Variants in CALN1 observed in about 807,000 individuals in gnomAD.
CALN1 encodes calcium-binding protein 8.
A neutral mutation model predicts 30.6 loss-of-function variants in CALN1; 17 were observed. The ratio of observed to expected loss-of-function variants is 0.56; its 90% CI spans 0.38 to 0.83. The LOEUF (loss-of-function observed/expected upper bound fraction) is 0.83. Among genes scored for constraint, CALN1 ranks in the 40% least tolerant of loss-of-function variants. The pLI is 0.00. For synonymous variants in CALN1, 156 were observed against 131.4 expected, an observed-to-expected ratio of 1.19 and a Z score of -1.28; for missense variants, 291 against 354.9, an observed-to-expected ratio of 0.82 and a Z score of 1.45.
intron 1 of CALN1, among the ~76,000 whole-genome samples, chr7:72,409,884 A>G (rs1468196474): frequency 1.3e-5 from 2 of 152,076 alleles, no homozygotes; most frequent in African/African-American, 2.4e-5. Context: ...TCTCTGCTAG[A>G]TTTTACAATT....
intron 4 of CALN1, among the ~76,000 whole-genome samples, chr7:72,101,426 T>C (rs1209890954): frequency 1.3e-5 from 2 of 152,156 alleles, no homozygotes; most frequent in Non-Finnish European, 2.9e-5. Context: ...AAGGTGTGCT[T>C]TGCTCCAGCT....
At chr7:71,937,361 T>A (rs1268716564) in intron 5 of CALN1, among the ~76,000 whole-genome samples, 1 of 151,952 alleles carries the variant, frequency 6.6e-6, no homozygotes, top group Non-Finnish European at 1.5e-5. Context: ...TATGTGTGTA[T>A]ATATGTAGAT....
chr7:72,147,368 CTCA>C (rs1290781488), intron 3 of CALN1, among the ~76,000 whole-genome samples: 7 of 152,026 alleles, frequency 4.6e-5, no homozygotes, highest in Middle Eastern at 3.4e-3. Flanking sequence ...GAAAAAAATG[CTCA>C]TCATCACTGG....
Position 72,289,222 on chromosome 7 carries a change from C to G in CALN1, c.120-10412G>C, listed in dbSNP as rs1439900481. Among the ~76,000 whole-genome samples, 4 of 152,272 alleles carry G rather than the reference C, an allele frequency of 2.6e-5. No homozygotes were observed. The East Asian group carries it at 7.7e-4, about 29-fold the overall frequency. ...TATGTTTTCAGATATAGGTGCTCTC[C>G]AAATCTCTTTATTCTCTTTTTGGTA... On this transcript the variant is annotated intron_variant, in intron 2 of 6. Transcript: ENST00000395275.
intron 2 of CALN1, among the ~76,000 whole-genome samples, chr7:72,380,118 G>A (rs752055832): frequency 6.6e-6 from 1 of 152,146 alleles, no homozygotes; most frequent in Non-Finnish European, 1.5e-5. Context: ...AATTTGATGA[G>A]TTCTCCAACA....
In CALN1 at chr7:72,271,092, T is replaced by TA. The variant is rs1796942597; in HGVS notation, c.244+7593dup. The stretch of plus-strand genomic sequence containing the variant: ...TGACTGCTGTGGCTGACTGGCAATA[T>TA]AATTTCCTGGGAAAAATCCCAGAGG... On this transcript the variant is annotated intron_variant, in intron 3 of 6. Transcript: ENST00000395275. 2.0e-5 allele frequency among the ~76,000 whole-genome samples: 3 copies of TA among 152,156 alleles called. No homozygotes were observed. The South Asian group carries it at 6.2e-4, about 32-fold the overall frequency.
chr7:72,113,916 G>C (rs1192956323), intron 3 of CALN1, among the ~76,000 whole-genome samples: 2 of 152,104 alleles, frequency 1.3e-5, no homozygotes, highest in Non-Finnish European at 2.9e-5. Context: ...AATGACAAGA[G>C]ATAAGAGGCT....
chr7:72,285,840 G>C (rs968651993), intron 2 of CALN1, among the ~76,000 whole-genome samples: 8 of 152,210 alleles, frequency 5.3e-5, no homozygotes, highest in African/African-American at 1.9e-4. Context: ...TGCTAGAGAA[G>C]TACAAGGCAT....
At chr7:71,997,961 C>T (rs1799335219) in intron 5 of CALN1, among the ~76,000 whole-genome samples, 2 of 151,886 alleles carry the variant, frequency 1.3e-5, no homozygotes, top group South Asian at 4.2e-4. Context: ...GCTGGAATTA[C>T]AGGTGCACGC....
At chr7:72,050,096 G>A (rs1328357541) in intron 4 of CALN1, among the ~76,000 whole-genome samples, 1 of 152,066 alleles carries the variant, frequency 6.6e-6, no homozygotes, top group Non-Finnish European at 1.5e-5. Flanking sequence ...TGGGGTTTCA[G>A]GCGTGAGGCC....
chr7:71,789,159 G>T (rs568498280), intron 6 of CALN1, among the ~76,000 whole-genome samples: 1 of 152,002 alleles, frequency 6.6e-6, no homozygotes, highest in East Asian at 2.0e-4. Context: ...TCTCATGCCT[G>T]TAATCCCAGC....
intron 2 of CALN1, among the ~76,000 whole-genome samples, chr7:72,310,601 C>T (rs182128925): frequency 4.6e-5 from 7 of 151,926 alleles, no homozygotes; most frequent in African/African-American, 1.7e-4. Context: ...CTGGTGACAT[C>T]TACATCAAAA....
intron 2 of CALN1, among the ~76,000 whole-genome samples, chr7:72,393,135 G>C (rs574771729): frequency 1.4e-3 from 209 of 152,270 alleles, no homozygotes; most frequent in Non-Finnish European, 2.7e-3. Flanking sequence ...CCCGCCACAA[G>C]CAAGAACCAT....
chr7:72,059,534 A>G (rs986231116), intron 4 of CALN1, among the ~76,000 whole-genome samples: 1 of 152,214 alleles, frequency 6.6e-6, no homozygotes, highest in Non-Finnish European at 1.5e-5. Flanking sequence ...CCTTGCTCTG[A>G]AATCTTGTTA....
At chr7:72,440,709 C>T (rs1260034927) in intron 1 of CALN1, among the ~76,000 whole-genome samples, 2 of 152,148 alleles carry the variant, frequency 1.3e-5, no homozygotes, top group African/African-American at 4.8e-5. Flanking sequence ...TGCCTGTAAT[C>T]CCAGCTACTC....
At chr7:71,955,436 A>G (rs1056233381) in intron 5 of CALN1, among the ~76,000 whole-genome samples, 7 of 152,052 alleles carry the variant, frequency 4.6e-5, no homozygotes, top group Non-Finnish European at 8.8e-5. Context: ...ACGTTCCTTT[A>G]TTTAAATCTC....
chr7:71,960,190 AATAAAAAAAT>A (rs1562937534), intron 5 of CALN1, among the ~76,000 whole-genome samples: 44 of 144,970 alleles, frequency 3.0e-4, no homozygotes, highest in African/African-American at 9.6e-4. Context: ...AATAAAATAA[AATAAAAAAAT>A]AAAATAAAAG....
At chr7:72,455,924 C>T in the CALN1 span, among the ~76,000 whole-genome samples, 6 of 152,220 alleles carry the variant, frequency 3.9e-5, 1 homozygote, top group South Asian at 1.2e-3. Context: ...GGTGAGTTCA[C>T]GCCTGTAATC....
At chr7:72,301,740 CCCTACAATGAAG>C (rs1372422904) in intron 2 of CALN1, among the ~76,000 whole-genome samples, 1 of 151,900 alleles carries the variant, frequency 6.6e-6, no homozygotes, top group Admixed American at 6.6e-5. Context: ...CAGTCTTGAA[CCCTACAATGAAG>C]CCTACTGGTC....
Sources: allele counts gnomAD v4.1 joint callset (sites outside exome capture counted in the v4.1 genomes callset), GRCh38; gene constraint gnomAD v4.1.1; transcripts MANE v1.5; gene names NCBI Gene and HGNC (gene_info 2026-07-23, HGNC 2026-07-21).